The following CNTN4 variants were observed in gnomAD, a reference collection of about 807,000 sequenced individuals.
CNTN4 encodes contactin-4.
In CNTN4, 77 loss-of-function variants were observed where a neutral mutation model predicts 122.5. The ratio of observed to expected loss-of-function variants is 0.63; its 90% CI spans 0.52 to 0.76. The LOEUF is 0.76. Among genes scored for constraint, CNTN4 ranks in the 30% least tolerant of loss-of-function variants. The probability of loss-of-function intolerance (pLI) is 0.00; values close to 1 mark genes in which losing one functional copy is unlikely to be tolerated. For missense variants in CNTN4, 1,256 were observed against 1,259.1 expected, an observed-to-expected ratio of 1.00 and a Z score of 0.04; for synonymous variants, 512 against 447.0, an observed-to-expected ratio of 1.15 and a Z score of -1.83.
chr3:2,328,824 A>G (rs1400070523), intron 2 of CNTN4, among the ~76,000 whole-genome samples: 3 of 152,292 alleles, frequency 2.0e-5, no homozygotes, highest in African/African-American at 7.2e-5. Flanking sequence ...ATCACTTTAT[A>G]TAAGGGACCC....
intron 2 of CNTN4, among the ~76,000 whole-genome samples, chr3:2,111,896 A>G (rs750278175): frequency 2.0e-5 from 3 of 152,114 alleles, no homozygotes; most frequent in Non-Finnish European, 4.4e-5. Context: ...AAATATGTGG[A>G]TGTTATGATT....
chr3:2,485,876 A>C (rs1000381498), intron 3 of CNTN4, among the ~76,000 whole-genome samples: 1 of 152,000 alleles, frequency 6.6e-6, no homozygotes, highest in Non-Finnish European at 1.5e-5. Context: ...TGTAAAATGG[A>C]CCAATCAGCA....
chr3:2,416,531 A>G lies in CNTN4; in HGVS notation c.-89+77298A>G, dbSNP rs141887745. Among the ~76,000 whole-genome samples, 712 of 152,338 alleles carry G rather than the reference A, an allele frequency of 4.7e-3. 4 individuals are homozygous for G. Among genetic ancestry groups the G allele is most frequent in the Non-Finnish European group, 7.0e-3 (478 of 68,038 alleles). On this transcript the variant is annotated intron_variant, in intron 3 of 24. Coordinates refer to ENST00000418658, the MANE Select transcript of CNTN4 (RefSeq NM_175607.3). ...TCCCCAAAATGGAATATTGAGCTTC[A>G]TTAGTGGATATTACATTTGTTGACT...
At chr3:2,767,924 A>G (rs928120005) in intron 6 of CNTN4, among the ~76,000 whole-genome samples, 2 of 152,212 alleles carry the variant, frequency 1.3e-5, no homozygotes, top group Non-Finnish European at 2.9e-5. Context: ...AATTTAAAAT[A>G]TTGTCACATA....
intron 3 of CNTN4, among the ~76,000 whole-genome samples, chr3:2,441,710 C>T (rs1415346797): frequency 2.0e-5 from 3 of 152,188 alleles, no homozygotes; most frequent in South Asian, 2.1e-4. Flanking sequence ...ATAGGAAGGG[C>T]GTTAGAAAGG....
At chr3:2,273,569 A>G (rs2041385072) in intron 2 of CNTN4, among the ~76,000 whole-genome samples, 1 of 152,228 alleles carries the variant, frequency 6.6e-6, no homozygotes, top group Non-Finnish European at 1.5e-5. Context: ...AGATGGGAAC[A>G]GGATTTTCTT....
intron 4 of CNTN4, among the ~76,000 whole-genome samples, chr3:2,593,893 G>C (rs1334933363): frequency 6.6e-6 from 1 of 152,104 alleles, no homozygotes; most frequent in Non-Finnish European, 1.5e-5. Context: ...TTAGTTCCAA[G>C]CAGTTATATT....
intron 3 of CNTN4, among the ~76,000 whole-genome samples, chr3:2,405,676 A>T (rs1177379384): frequency 6.6e-6 from 1 of 152,170 alleles, no homozygotes; most frequent in Non-Finnish European, 1.5e-5. Context: ...AAGAATTATA[A>T]TTAATAAATG....
At chr3:2,513,720 G>T (rs763863031) in intron 3 of CNTN4, among the ~76,000 whole-genome samples, 1 of 151,968 alleles carries the variant, frequency 6.6e-6, no homozygotes, top group African/African-American at 2.4e-5. Flanking sequence ...TATTACTTTC[G>T]GAATGTTTAG....
At chr3:2,200,234 T>C (rs2038035706) in intron 2 of CNTN4, among the ~76,000 whole-genome samples, 1 of 152,114 alleles carries the variant, frequency 6.6e-6, no homozygotes, top group Non-Finnish European at 1.5e-5. Flanking sequence ...TTTTGAGATA[T>C]GTTTGAGATA....
At position 2,466,267 on chromosome 3, in the gene CNTN4, G is replaced by A. The variant is rs531367863; in HGVS notation, c.-88-105149G>A. 2.6e-5 allele frequency among the ~76,000 whole-genome samples: 4 copies of A among 152,298 alleles called. No homozygotes were observed. In the South Asian group the frequency reaches 8.3e-4, roughly 32 times the overall value. On this transcript the variant is annotated intron_variant, in intron 3 of 24. Coordinates refer to ENST00000418658, the MANE Select transcript of CNTN4 (RefSeq NM_175607.3). Reference sequence around the variant, plus strand: ...ATTTGATACAAAAGATGAAATGCTTGTCAAACTAATATATCCTGCACGTTC... The same window carrying A: ...ATTTGATACAAAAGATGAAATGCTTATCAAACTAATATATCCTGCACGTTC...
chr3:2,837,651 C>T (rs1407271380), intron 7 of CNTN4, among the ~76,000 whole-genome samples: 1 of 152,144 alleles, frequency 6.6e-6, no homozygotes. Context: ...GCTAAGAGGG[C>T]TAGTTCATTT....
chr3:2,121,529 C>T (rs1037099319), intron 2 of CNTN4, among the ~76,000 whole-genome samples: 9 of 151,238 alleles, frequency 6.0e-5, no homozygotes, highest in African/African-American at 9.7e-5. Flanking sequence ...GTTGTGTGCA[C>T]GGGGACCCAT....
intron 3 of CNTN4, among the ~76,000 whole-genome samples, chr3:2,549,089 G>GTTTCTAAATATACAATCATGTCGGGT (rs377362234): frequency 6.6e-6 from 1 of 152,044 alleles, no homozygotes; most frequent in Non-Finnish European, 1.5e-5. Flanking sequence ...AGACGTTGGG[G>GTTTCTAAATATACAATCATGTCGGGT]TTTCTAAATA....
At chr3:2,369,322 A>G (rs556586624) in intron 3 of CNTN4, among the ~76,000 whole-genome samples, 1 of 152,182 alleles carries the variant, frequency 6.6e-6, no homozygotes, top group Admixed American at 6.5e-5. Context: ...AAAACAGGTG[A>G]GAGTAGGACT....
intron 3 of CNTN4, among the ~76,000 whole-genome samples, chr3:2,534,448 A>G (rs910136051): frequency 1.4e-4 from 22 of 152,088 alleles, no homozygotes; most frequent in Non-Finnish European, 2.5e-4. Flanking sequence ...CCATTAGTCT[A>G]TATCTTTCTT....
At chr3:2,371,165 G>T (rs919834038) in intron 3 of CNTN4, among the ~76,000 whole-genome samples, 1 of 152,136 alleles carries the variant, frequency 6.6e-6, no homozygotes, top group African/African-American at 2.4e-5. Context: ...TTCTAACATA[G>T]TTCATCAAGC....
chr3:2,333,578 TC>T (rs1273059579), intron 2 of CNTN4, among the ~76,000 whole-genome samples: 1 of 152,240 alleles, frequency 6.6e-6, no homozygotes, highest in African/African-American at 2.4e-5. Flanking sequence ...CTGTTATGTA[TC>T]ATCTTGTATT....
chr3:2,803,015 A>T (rs2675316), intron 6 of CNTN4, among the ~76,000 whole-genome samples: 1 of 151,974 alleles, frequency 6.6e-6, no homozygotes, highest in Non-Finnish European at 1.5e-5. Context: ...AAAAAGACAG[A>T]GATATAGTAG....
Sources: gnomAD v4.1 joint callset for allele counts (sites outside exome capture counted in the v4.1 genomes callset) on GRCh38, gnomAD v4.1.1 for gene constraint, MANE v1.5 for transcripts, NCBI Gene and HGNC (gene_info 2026-07-23, HGNC 2026-07-21) for gene names.